SEL1L3: variants seen among roughly 807,000 people sequenced by gnomAD.
SEL1L3 encodes the protein protein sel-1 homolog 3.
Under a neutral mutation model 142.8 loss-of-function variants are expected in SEL1L3, and 76 were observed. The ratio of observed to expected loss-of-function variants is 0.53; its 90% CI spans 0.44 to 0.64. SEL1L3 has a LOEUF of 0.64. Ranked by LOEUF, SEL1L3 falls within the 30% of genes least tolerant of loss-of-function variation. The probability of loss-of-function intolerance (pLI) is 0.00; values close to 1 mark genes in which losing one functional copy is unlikely to be tolerated. For synonymous variants in SEL1L3, 504 were observed against 519.6 expected (o/e 0.97, Z 0.41); for missense variants, 1,262 against 1,381.7 (o/e 0.91, Z 1.37).
intron 10 of SEL1L3, 123 bp from the exon 11 acceptor site, chr4:25,802,585 C>G (rs1007433402): frequency 3.5e-6 from 3 of 854,158 alleles, no homozygotes; most frequent in Non-Finnish European, 5.4e-6. Flanking sequence ...AATATGTTAA[C>G]TTGCCTTTTT....
rs759155943 is a variant in SEL1L3 at position 25,819,931 on chromosome 4, G to A, written c.1300C>T (p.Pro434Ser). ...TCAGCAAGTTGCTTCTCAAGGAGGG[G>A]ATTAAAAATCTACAAGAAGGCAAGA... ...RSLHPAQIFN[P>S]LLEKQLAEQI... is the part of the protein sequence containing the mutation. The change falls in exon 8 of 24, where the codon CCC becomes TCC. Residue 434 changes from proline to serine, a missense_variant. Transcript: ENST00000399878. 2.3e-5 allele frequency: 37 copies of A among 1,610,244 alleles called. No homozygotes were observed. The highest frequency in any genetic ancestry group is 3.0e-5 in the Non-Finnish European group (35 of 1,178,228).
the SEL1L3 span, chr4:25,721,164 G>A: frequency 6.6e-6 from 1 of 151,796 alleles, no homozygotes; most frequent in African/African-American, 2.4e-5. Flanking sequence ...TGAGATTTTG[G>A]TCTCAGATTT....
intron 18 of SEL1L3, 39 bp from the exon 19 acceptor site, chr4:25,767,648 T>A (rs1172926503): frequency 6.6e-7 from 1 of 1,518,074 alleles, no homozygotes. Context: ...TTCATTAATA[T>A]TTCGGCCAAG....
chr4:25,741,410 G>A, the SEL1L3 span, among the ~76,000 whole-genome samples: 1 of 152,008 alleles, frequency 6.6e-6, no homozygotes, highest in Non-Finnish European at 1.5e-5. Context: ...CATATTACCT[G>A]TATTTCTAAT....
chr4:25,748,509 A>C lies in SEL1L3; in HGVS notation c.3315T>G (p.Thr1105=). 1 of 1,612,006 alleles carries C rather than the reference A, an allele frequency of 6.2e-7. No individual in the cohort carries two copies. Among genetic ancestry groups the C allele is most frequent in the South Asian group, 1.1e-5 (1 of 90,378 alleles). ...CAGCTGGAGTCACAGCTGGACTTGC[A>C]GTGGACGTGGCAGTGTCTGGGGAGG... The part of the protein sequence containing the change: ...SQASPDTATS[T]ASPAVTPAAD... Residue 1105 remains threonine, a synonymous_variant, in exon 24 of 24, where the codon ACT becomes ACG. Transcript: ENST00000399878.
At position 25,847,746 on chromosome 4, in the gene SEL1L3, C is replaced by T. The variant is rs543404589; in HGVS notation, c.281G>A (p.Arg94His). 9 of 1,613,422 alleles carry T rather than the reference C, an allele frequency of 5.6e-6. No individual in the cohort carries two copies. The highest frequency in any genetic ancestry group is 2.2e-5 in the South Asian group (2 of 91,064). ...IYFTVFEGNV[R>H]NVSEVSVEYL... ...CTCAACCGAGACTTCAGAAACGTTG[C>T]GAACGTTTCCTTCAAAGACAGTAAA... Residue 94 changes from arginine to histidine, a missense_variant, in exon 2 of 24, where the codon CGC (arginine) becomes CAC (histidine). Arg to His is a conservative substitution (Grantham distance 29). Coordinates refer to ENST00000399878, the MANE Select transcript of SEL1L3 (RefSeq NM_015187.5).
chr4:25,795,948 G>A (rs1277781902), intron 11 of SEL1L3, among the ~76,000 whole-genome samples: 1 of 152,070 alleles, frequency 6.6e-6, no homozygotes, highest in Non-Finnish European at 1.5e-5. Context: ...TCACTGGGCG[G>A]GTGTGTGGGG....
chr4:25,746,513 T>TATATATATATTTAA (rs1351159890), downstream of SEL1L3, among the ~76,000 whole-genome samples: 14 of 120,216 alleles, frequency 1.2e-4, 1 homozygote, highest in African/African-American at 4.5e-4. Flanking sequence ...TCTAAATATA[T>TATATATATATTTAA]ATATATATAT....
chr4:25,784,140 G>A, intron 14 of SEL1L3, 88 bp downstream of exon 14: 1 of 1,122,326 alleles, frequency 8.9e-7, no homozygotes, highest in Admixed American at 1.7e-5. Context: ...TTTGTAGGAA[G>A]AGGCTGGCCA....
chr4:25,851,922 CTATGTCTTCTGCA>C (rs1286166801), intron 1 of SEL1L3, among the ~76,000 whole-genome samples: 1 of 144,076 alleles, frequency 6.9e-6, no homozygotes, highest in East Asian at 2.1e-4. Context: ...ACAGTGGAAA[CTATGTCTTCTGCA>C]AATGGCAGAG....
the SEL1L3 span, among the ~76,000 whole-genome samples, chr4:25,717,839 G>C: frequency 6.6e-6 from 1 of 152,164 alleles, no homozygotes. Context: ...AATTATAGTA[G>C]CTAGAAGATT....
intron 9 of SEL1L3, among the ~76,000 whole-genome samples, chr4:25,817,024 T>A (rs1269820247): frequency 2.0e-5 from 3 of 152,250 alleles, no homozygotes; most frequent in Admixed American, 6.5e-5. Context: ...TTACTATTTT[T>A]CTTTGCTTTC....
At chr4:25,819,749 A>G in intron 8 of SEL1L3, 59 bp downstream of exon 8, 1 of 1,527,570 alleles carries the variant, frequency 6.5e-7, no homozygotes, top group South Asian at 1.2e-5. Flanking sequence ...GAGAAGCCAA[A>G]CATGTGTTTA....
intron 2 of SEL1L3, among the ~76,000 whole-genome samples, chr4:25,839,965 A>T (rs1716067849): frequency 6.6e-6 from 1 of 152,190 alleles, no homozygotes; most frequent in African/African-American, 2.4e-5. Context: ...ATTCACATCG[A>T]TAAAAATTCA....
At chr4:25,799,591 T>A (rs1713036499) in intron 11 of SEL1L3, among the ~76,000 whole-genome samples, 1 of 152,060 alleles carries the variant, frequency 6.6e-6, no homozygotes, top group Admixed American at 6.5e-5. Context: ...GAGCAACAAA[T>A]TCAGGCAGCA....
chr4:25,742,769 T>C (rs1280527891), downstream of SEL1L3, among the ~76,000 whole-genome samples: 3 of 152,258 alleles, frequency 2.0e-5, no homozygotes, highest in South Asian at 6.2e-4. Context: ...CTAATTTTTT[T>C]AAATTGGCAT....
At chr4:25,771,746 T>G (rs942099171) in intron 17 of SEL1L3, among the ~76,000 whole-genome samples, 1 of 152,302 alleles carries the variant, frequency 6.6e-6, no homozygotes, top group Non-Finnish European at 1.5e-5. Flanking sequence ...CAATAAAACA[T>G]GTAGCTTGCA....
chr4:25,745,609 C>G (rs1199157887), downstream of SEL1L3, among the ~76,000 whole-genome samples: 1 of 152,180 alleles, frequency 6.6e-6, no homozygotes, highest in African/African-American at 2.4e-5. Flanking sequence ...GGCTGTCACA[C>G]TGGGAAGCAG....
chr4:25,819,717 G>T (rs1714625030), intron 8 of SEL1L3, 91 bp downstream of exon 8: 1 of 1,274,852 alleles, frequency 7.8e-7, no homozygotes, highest in Non-Finnish European at 1.1e-6. Context: ...AGTCATATAT[G>T]TTTAATTTTA....
Sources: allele counts gnomAD v4.1 joint callset (sites outside exome capture counted in the v4.1 genomes callset), GRCh38; gene constraint gnomAD v4.1.1; transcripts MANE v1.5; gene names NCBI Gene and HGNC (gene_info 2026-07-23, HGNC 2026-07-21).